The following SLC10A7 variants were observed in gnomAD, a reference collection of about 807,000 sequenced individuals.
SLC10A7 encodes solute carrier family 10 member 7, also known as sodium/bile acid cotransporter 7.
In SLC10A7, 29 loss-of-function variants were observed where a neutral mutation model predicts 43.2. The ratio of observed to expected loss-of-function variants is 0.67; its 90% confidence interval spans 0.50 to 0.92. SLC10A7 has a LOEUF of 0.92. Ranked by LOEUF, SLC10A7 falls within the 40% of genes least tolerant of loss-of-function variation. SLC10A7 has a pLI of 0.00. For missense variants in SLC10A7, 295 were observed against 403.2 expected, an observed-to-expected ratio of 0.73 and a Z score of 2.30; for synonymous variants, 152 against 144.8, an observed-to-expected ratio of 1.05 and a Z score of -0.35.
intron 5 of SLC10A7, among the ~76,000 whole-genome samples, chr4:146,423,143 T>A: frequency 6.6e-6 from 1 of 152,176 alleles, no homozygotes; most frequent in Non-Finnish European, 1.5e-5. Context: ...AAAAATTATA[T>A]ACATATTTCT....
chr4:146,358,492 T>G (rs915201968), intron 5 of SLC10A7, among the ~76,000 whole-genome samples: 1 of 152,096 alleles, frequency 6.6e-6, no homozygotes, highest in Admixed American at 6.6e-5. Flanking sequence ...TATAAAACAT[T>G]TTCTAGTACT....
intron 6 of SLC10A7, among the ~76,000 whole-genome samples, chr4:146,312,618 C>G (rs1732058128): frequency 6.6e-6 from 1 of 152,108 alleles, no homozygotes; most frequent in South Asian, 2.1e-4. Context: ...CTCCCTTCTA[C>G]TCTGTTTCTA....
At chr4:146,290,231 G>A (rs924549385) in intron 9 of SLC10A7, among the ~76,000 whole-genome samples, 1 of 150,440 alleles carries the variant, frequency 6.6e-6, no homozygotes, top group East Asian at 2.0e-4. Context: ...GGCTGAGGCA[G>A]GAGAATGGCA....
chr4:146,484,313 C>G (rs1448743182), intron 4 of SLC10A7, among the ~76,000 whole-genome samples: 2 of 152,184 alleles, frequency 1.3e-5, no homozygotes, highest in African/African-American at 4.8e-5. Context: ...ATGATGCCAA[C>G]ACTGCACTCC....
chr4:146,489,609 T>C (rs1328239215), intron 4 of SLC10A7, among the ~76,000 whole-genome samples: 3 of 152,186 alleles, frequency 2.0e-5, no homozygotes, highest in Non-Finnish European at 4.4e-5. Flanking sequence ...TAAATCCACG[T>C]AGGGCAAAGG....
chr4:146,277,020 A>C (rs1221246518), intron 10 of SLC10A7, among the ~76,000 whole-genome samples: 1 of 152,174 alleles, frequency 6.6e-6, no homozygotes, highest in African/African-American at 2.4e-5. Flanking sequence ...TTGAGGAAGA[A>C]GGTAAAACCT....
At chr4:146,373,511 G>A (rs555048043) in intron 5 of SLC10A7, among the ~76,000 whole-genome samples, 2 of 149,054 alleles carry the variant, frequency 1.3e-5, no homozygotes, top group Non-Finnish European at 3.0e-5. Context: ...ATAAATACAA[G>A]GGCCAGGCAA....
intron 5 of SLC10A7, chr4:146,442,138 G>A: frequency 1.0e-6 from 1 of 968,568 alleles, no homozygotes; most frequent in Non-Finnish European, 1.2e-6. Flanking sequence ...CACAAATCAA[G>A]CCTCTGTTAC....
intron 5 of SLC10A7, among the ~76,000 whole-genome samples, chr4:146,372,706 G>A (rs1431315973): frequency 6.6e-6 from 1 of 152,094 alleles, no homozygotes; most frequent in Non-Finnish European, 1.5e-5. Context: ...TTCTTAATGA[G>A]TTACTGAAAT....
chr4:146,284,548 A>G (rs1366462764), intron 9 of SLC10A7, among the ~76,000 whole-genome samples: 1 of 152,138 alleles, frequency 6.6e-6, no homozygotes, highest in East Asian at 1.9e-4. Flanking sequence ...TCTTCTGAAA[A>G]GGCATGCATG....
Position 146,356,019 on chromosome 4 carries a change from C to A in SLC10A7, c.436-30023G>T, listed in dbSNP as rs1367056816. 4.1e-4 allele frequency among the ~76,000 whole-genome samples: 54 copies of A among 131,510 alleles called. No homozygotes were observed. The East Asian group carries it at 9.3e-3, about 23-fold the overall frequency. The allele number at this position is 131,510 out of a possible 152,430, so 86.3% of individuals were successfully genotyped here. A position where few individuals can be genotyped will look rare whatever the true frequency, so the allele number is the denominator to read the frequency against. ...CTAACCTGCACAATGTGCACATGTA[C>A]CCTAAAACTTAAAGTATAATAAAAA... On this transcript the variant is annotated intron_variant, in intron 5 of 11. Transcript: ENST00000335472.
At chr4:146,497,995 T>C (rs1391965911) in intron 4 of SLC10A7, among the ~76,000 whole-genome samples, 1 of 152,088 alleles carries the variant, frequency 6.6e-6, no homozygotes, top group Non-Finnish European at 1.5e-5. Context: ...CAAATATATA[T>C]AGTTTTAAAC....
chr4:146,283,348 T>TG, intron 9 of SLC10A7, 83 bp from the exon 10 acceptor site: 2 of 977,972 alleles, frequency 2.0e-6, no homozygotes, highest in Non-Finnish European at 3.3e-6. Flanking sequence ...TACCTACCTT[T>TG]ATGTTAACAT....
At chr4:146,432,899 G>A (rs1192820524) in intron 5 of SLC10A7, among the ~76,000 whole-genome samples, 2 of 151,750 alleles carry the variant, frequency 1.3e-5, no homozygotes, top group South Asian at 2.1e-4. Context: ...TTAGCCGGGC[G>A]TGGTGGTACG....
chr4:146,369,002 A>T (rs923656031), intron 5 of SLC10A7, among the ~76,000 whole-genome samples: 8 of 152,176 alleles, frequency 5.3e-5, no homozygotes, highest in Non-Finnish European at 7.4e-5. Flanking sequence ...TTACTTGATG[A>T]CCTGCAACAC....
At chr4:146,368,790 A>ATTACG (rs1289592314) in intron 5 of SLC10A7, among the ~76,000 whole-genome samples, 8 of 152,200 alleles carry the variant, frequency 5.3e-5, no homozygotes, top group African/African-American at 1.9e-4. Flanking sequence ...ACCTGGGAAA[A>ATTACG]AAATGATAAT....
chr4:146,506,529 C>A (rs2150036779), intron 3 of SLC10A7, among the ~76,000 whole-genome samples: 1 of 152,286 alleles, frequency 6.6e-6, no homozygotes, highest in South Asian at 2.1e-4. Flanking sequence ...ATTCTCTTTA[C>A]TTCTCTGAAA....
intron 5 of SLC10A7, among the ~76,000 whole-genome samples, chr4:146,337,039 A>G (rs1560810789): frequency 6.6e-6 from 1 of 152,044 alleles, no homozygotes; most frequent in Non-Finnish European, 1.5e-5. Flanking sequence ...GAGTGACAAA[A>G]ACAATTTGAA....
intron 4 of SLC10A7, among the ~76,000 whole-genome samples, chr4:146,484,239 A>C (rs1734731940): frequency 1.3e-5 from 2 of 152,328 alleles, no homozygotes; most frequent in South Asian, 4.1e-4. Context: ...CTGTAGTTCC[A>C]GCTACTCAGG....
Sources: allele counts gnomAD v4.1 joint callset (sites outside exome capture counted in the v4.1 genomes callset), GRCh38; gene constraint gnomAD v4.1.1; transcripts MANE v1.5; gene names NCBI Gene and HGNC (gene_info 2026-07-23, HGNC 2026-07-21).